Variants in RNF185 observed in about 807,000 individuals in gnomAD.
RNF185 encodes the protein ring finger protein 185, also known as E3 ubiquitin-protein ligase RNF185.
RNF185 carries 13 observed loss-of-function variants against 24.9 expected under a neutral mutation model. The observed-to-expected ratio is 0.52, with a 90% confidence interval of 0.34 to 0.83. RNF185 has a LOEUF of 0.83. RNF185 is among the 40% of genes least tolerant of loss of function. The probability of loss-of-function intolerance (pLI) is 0.01; values close to 1 mark genes in which losing one functional copy is unlikely to be tolerated. For missense variants in RNF185, 184 were observed against 244.7 expected, an observed-to-expected ratio of 0.75 and a Z score of 1.65; for synonymous variants, 79 against 90.3, an observed-to-expected ratio of 0.88 and a Z score of 0.71.
At chr22:31,187,939 T>G (rs200448341) in intron 2 of RNF185, among the ~76,000 whole-genome samples, 47 of 151,494 alleles carry the variant, frequency 3.1e-4, no homozygotes, top group East Asian at 9.7e-4. Flanking sequence ...GTGTGTGTGT[T>G]TTTTTTTGTC....
intron 1 of RNF185, among the ~76,000 whole-genome samples, chr22:31,172,843 G>T (rs978364808): frequency 6.6e-6 from 1 of 151,876 alleles, no homozygotes; most frequent in South Asian, 2.1e-4. Flanking sequence ...TTGCAGGTAA[G>T]GACACTGGCA....
chr22:31,175,105 A>C, intron 1 of RNF185, among the ~76,000 whole-genome samples: 1 of 151,612 alleles, frequency 6.6e-6, no homozygotes, highest in East Asian at 1.9e-4. Context: ...TAGTGGACGA[A>C]AATGTGAAAA....
chr22:31,188,010 T>G (rs969258146), intron 2 of RNF185, among the ~76,000 whole-genome samples: 2 of 151,700 alleles, frequency 1.3e-5, no homozygotes, highest in African/African-American at 2.4e-5. Flanking sequence ...AGGCGAAGGG[T>G]GTGTGTGTCA....
chr22:31,206,331 G>A lies in RNF185; in HGVS notation c.*1745G>A, dbSNP rs2048314309. On this transcript the variant is annotated 3_prime_UTR_variant, in exon 7 of 7. Transcript: ENST00000326132. ...GTAGGAAGAAACCACCAGCTTTATAGTGTGCCTGATAGATTTTAAACATTC... is the reference window on the plus strand; with the variant it reads ...GTAGGAAGAAACCACCAGCTTTATAATGTGCCTGATAGATTTTAAACATTC... 1 of 152,606 alleles carries A rather than the reference G, an allele frequency of 6.6e-6. No individual in the cohort carries two copies. Among genetic ancestry groups the A allele is most frequent in the Non-Finnish European group, 1.5e-5 (1 of 68,052 alleles). 9.5% of individuals were successfully genotyped at this position (152,606 alleles called of 1,614,324 possible).
chr22:31,203,214 C>T (rs928676583), intron 6 of RNF185, among the ~76,000 whole-genome samples: 1 of 152,182 alleles, frequency 6.6e-6, no homozygotes, highest in Non-Finnish European at 1.5e-5. Flanking sequence ...CCATCCTGGA[C>T]ACAGATTCTT....
intron 2 of RNF185, among the ~76,000 whole-genome samples, chr22:31,190,376 T>C (rs955015054): frequency 3.9e-5 from 6 of 152,144 alleles, no homozygotes; most frequent in Admixed American, 3.3e-4. Context: ...AACCTCTGCC[T>C]CCCAGGTTCA....
rs1165857704 is a variant in RNF185, at chr22:31,192,135, C to CT, written c.177-548dup. On this transcript the variant is annotated intron_variant, in intron 2 of 6. Transcript: ENST00000326132. ...ACCTGAACTTTTAAGCTGCTTCCTG[C>CT]TAGGAGAGTTCTCAAGGATGAGGAC... Among the ~76,000 whole-genome samples, 14 of 152,194 alleles carry CT rather than the reference C, an allele frequency of 9.2e-5. No individual in the cohort carries two copies. The East Asian group carries it at 1.4e-3, about 15-fold the overall frequency.
intron 1 of RNF185, among the ~76,000 whole-genome samples, chr22:31,170,624 T>C (rs1475859952): frequency 7.2e-5 from 11 of 151,938 alleles, no homozygotes; most frequent in Admixed American, 7.2e-4. Context: ...GATTCCCATG[T>C]CTCAGCCTTC....
chr22:31,164,583 CTTTTTTTTTTTTTTT>C (rs200649012), intron 1 of RNF185, among the ~76,000 whole-genome samples: 1 of 91,734 alleles, frequency 1.1e-5, no homozygotes, highest in Admixed American at 1.1e-4. Context: ...TCCTCATTGT[CTTTTTTTTTTTTTTT>C]TTTTTTTTGA....
intron 6 of RNF185, 32 bp downstream of exon 6, chr22:31,201,647 G>A (rs751471343): frequency 1.8e-5 from 26 of 1,474,354 alleles, no homozygotes; most frequent in Non-Finnish European, 2.3e-5. Flanking sequence ...AAATTAGGAA[G>A]ATATCTTAGT....
chr22:31,187,281 C>T lies in RNF185; in HGVS notation c.176+11C>T. ...TGGCCACCTCTTCTGGTCAGTACCC[C>T]TACTTCCACCCCAGAGAGCACATTG... On this transcript the variant is annotated intron_variant, in intron 2 of 6. Transcript: ENST00000326132. The T allele has an allele frequency of 6.2e-7, 1 of 1,613,420 alleles. No individual in the cohort carries two copies. Among genetic ancestry groups the T allele is most frequent in the Non-Finnish European group, 8.5e-7 (1 of 1,179,596 alleles).
chr22:31,166,015 G>A (rs537054570), intron 1 of RNF185, among the ~76,000 whole-genome samples: 512 of 103,908 alleles, frequency 4.9e-3, no homozygotes, highest in Non-Finnish European at 0.01. Flanking sequence ...TTTTAGAGAT[G>A]GAGTCTTGCT....
intron 1 of RNF185, among the ~76,000 whole-genome samples, chr22:31,182,064 A>G (rs2048043081): frequency 1.3e-5 from 2 of 151,172 alleles, no homozygotes; most frequent in Non-Finnish European, 2.9e-5. Context: ...TTTAAAAAAA[A>G]AAACACAATA....
rs555178068 is a variant in RNF185, at chr22:31,167,893, A to G, written c.-49+7590A>G. ...TTCCCAGAGTGCTGGGATTATAGGC[A>G]TGAGCCACCGTACCTGGGCCCAGTT... On this transcript the variant is annotated intron_variant, in intron 1 of 6. Coordinates refer to ENST00000326132, the MANE Select transcript of RNF185 (RefSeq NM_152267.4). 3.4e-3 allele frequency among the ~76,000 whole-genome samples: 521 copies of G among 152,234 alleles called. 3 individuals carry two copies. The highest frequency in any genetic ancestry group is 0.012 in the African/African-American group (498 of 41,548).
Position 31,177,653 on chromosome 22 carries a change from A to G in RNF185, c.-48-9394A>G, listed in dbSNP as rs867213570. Reference sequence around the variant, plus strand: ...CAGCGTAGACAGGCTCAGGCATGCCAGGGTTCCTGGCAGAAAGCTTCTGTG... The same window carrying G: ...CAGCGTAGACAGGCTCAGGCATGCCGGGGTTCCTGGCAGAAAGCTTCTGTG... On this transcript the variant is annotated intron_variant, in intron 1 of 6. Transcript: ENST00000326132. Among the ~76,000 whole-genome samples the G allele has an allele frequency of 3.3e-5, 5 of 152,206 alleles. No homozygotes were observed. In the South Asian group the frequency reaches 1.0e-3, roughly 32 times the overall value.
chr22:31,177,287 T>G (rs2047992488), intron 1 of RNF185, among the ~76,000 whole-genome samples: 1 of 151,960 alleles, frequency 6.6e-6, no homozygotes, highest in Non-Finnish European at 1.5e-5. Flanking sequence ...TAATAGGATC[T>G]TTAATGAATC....
intron 1 of RNF185, among the ~76,000 whole-genome samples, chr22:31,161,632 C>G (rs1475867835): frequency 6.6e-6 from 1 of 152,174 alleles, no homozygotes; most frequent in African/African-American, 2.4e-5. Context: ...TTATGTTTGA[C>G]CAGGAGAAGC....
chr22:31,188,910 G>T (rs1228703806), intron 2 of RNF185, among the ~76,000 whole-genome samples: 2 of 150,162 alleles, frequency 1.3e-5, no homozygotes, highest in African/African-American at 4.9e-5. Flanking sequence ...CACAAGGTCA[G>T]GAGATCGAGA....
At chr22:31,167,154 T>C (rs1046373169) in intron 1 of RNF185, among the ~76,000 whole-genome samples, 1 of 152,136 alleles carries the variant, frequency 6.6e-6, no homozygotes, top group African/African-American at 2.4e-5. Flanking sequence ...CATAACAATA[T>C]TTACTGTTTT....
Sources: gnomAD v4.1 joint callset for allele counts (sites outside exome capture counted in the v4.1 genomes callset) on GRCh38, gnomAD v4.1.1 for gene constraint, MANE v1.5 for transcripts, NCBI Gene and HGNC (gene_info 2026-07-23, HGNC 2026-07-21) for gene names.